Variants in ABCF2 observed in about 807,000 individuals in gnomAD.
ABCF2 encodes the protein ATP-binding cassette sub-family F member 2.
A neutral mutation model predicts 76.9 loss-of-function variants in ABCF2; 37 were observed. That is an observed-to-expected ratio of 0.48 (90% CI 0.37 to 0.63). The LOEUF is 0.63. ABCF2 is among the 30% of genes least tolerant of loss of function. The pLI is 0.00. For missense variants in ABCF2, 524 were observed against 782.1 expected (o/e 0.67, Z 3.94); for synonymous variants, 299 against 283.7 (o/e 1.05, Z -0.54).
chr7:151,222,467 C>T lies in ABCF2; in HGVS notation c.818+54G>A, dbSNP rs1802287845. The T allele has an allele frequency of 2.8e-6, 4 of 1,444,522 alleles. No individual in the cohort carries two copies. In the Admixed American group the frequency reaches 5.1e-5, roughly 19 times the overall value. The allele number at this position is 1,444,522 out of a possible 1,614,324, so 89.5% of individuals were successfully genotyped here. On this transcript the variant is annotated intron_variant, in intron 6 of 14. Coordinates refer to ENST00000287844, the MANE Select transcript of ABCF2 (RefSeq NM_007189.3). ...AGTGCAGTTTCTGGGCATCCATTTT[C>T]TAGATTCCCCCTTTGGGACCTGCCC...
chr7:151,217,992 C>A, intron 11 of ABCF2, 89 bp downstream of exon 11: 1 of 990,350 alleles, frequency 1.0e-6, no homozygotes, highest in South Asian at 1.5e-5. Flanking sequence ...CAGGCCCTCC[C>A]AAAGTAGTAG....
chr7:151,217,947 A>AC lies in ABCF2; in HGVS notation c.1338+133dup. On this transcript the variant is annotated intron_variant, in intron 11 of 14. Transcript: ENST00000287844. Reference sequence around the variant, plus strand: ...TTCCCCCTCTCCTGGCTGCTGCTCCACCCCTCCAGATGGCTCACTCACCAC... The same window carrying AC: ...TTCCCCCTCTCCTGGCTGCTGCTCCACCCCCTCCAGATGGCTCACTCACCAC... 4.6e-6 allele frequency: 3 copies of AC among 649,254 alleles called. No individual in the cohort carries two copies. The South Asian group carries it at 5.7e-5, about 12-fold the overall frequency. 40.2% of individuals were successfully genotyped at this position (649,254 alleles called of 1,614,324 possible).
intron 11 of ABCF2, among the ~76,000 whole-genome samples, chr7:151,216,937 G>C (rs186021450): frequency 4.6e-5 from 7 of 152,290 alleles, no homozygotes; most frequent in Admixed American, 4.6e-4. Flanking sequence ...GTGAGTGATG[G>C]CAATTTTAAG....
At chr7:151,224,225 A>G (rs1245654177) in intron 3 of ABCF2, 111 bp from the exon 4 acceptor site, 1 of 924,574 alleles carries the variant, frequency 1.1e-6, no homozygotes, top group Non-Finnish European at 1.6e-6. Flanking sequence ...TTTTTTTTTG[A>G]GGACCTTTCT....
In ABCF2 at chr7:151,218,202, G is replaced by C; in HGVS notation, c.1228-11C>G. 5.1e-6 allele frequency: 8 copies of C among 1,562,542 alleles called. No individual in the cohort carries two copies. Among genetic ancestry groups the C allele is most frequent in the Non-Finnish European group, 7.1e-6 (8 of 1,133,160 alleles). On this transcript the variant is annotated splice_polypyrimidine_tract_variant and intron_variant, in intron 10 of 14. Coordinates refer to ENST00000287844, the MANE Select transcript of ABCF2 (RefSeq NM_007189.3). ...ATTGTAGATGCAAGGCTGAGGTGGGGATGAGAGAGATGTGGACACAAGGCT... is the reference window on the plus strand; with the variant it reads ...ATTGTAGATGCAAGGCTGAGGTGGGCATGAGAGAGATGTGGACACAAGGCT...
At position 151,218,548 on chromosome 7, in the gene ABCF2, G is replaced by A. The variant is rs2150573800; in HGVS notation, c.1227+13C>T. On this transcript the variant is annotated intron_variant, in intron 10 of 14. Transcript: ENST00000287844. Reference sequence around the variant, plus strand: ...GATACACCCCAGCCACCCATGCCCTGCCCTGAACTTACCCCATCTTTTGTA... The same window carrying A: ...GATACACCCCAGCCACCCATGCCCTACCCTGAACTTACCCCATCTTTTGTA... 1 of 1,610,900 alleles carries A rather than the reference G, an allele frequency of 6.2e-7. No individual in the cohort carries two copies. The highest frequency in any genetic ancestry group is 1.3e-5 in the African/African-American group (1 of 74,918).
At chr7:151,218,402 G>T (rs1350815051) in intron 10 of ABCF2, among the ~76,000 whole-genome samples, 159 bp downstream of exon 10, 1 of 152,060 alleles carries the variant, frequency 6.6e-6, no homozygotes, top group Non-Finnish European at 1.5e-5. Context: ...AGAAAGGCCC[G>T]CGAGCAGCCT....
chr7:151,225,487 T>C (rs1482400386), intron 2 of ABCF2, among the ~76,000 whole-genome samples: 1 of 152,210 alleles, frequency 6.6e-6, no homozygotes, highest in Non-Finnish European at 1.5e-5. Context: ...CAAAAGGGTA[T>C]AGAGAATGGA....
In ABCF2 at chr7:151,221,635, C is replaced by G; in HGVS notation, c.864G>C (p.Leu288=). Residue 288 remains leucine (L), a synonymous_variant, in exon 7 of 15, where the codon CTG becomes CTC. Coordinates refer to ENST00000287844, the MANE Select transcript of ABCF2 (RefSeq NM_007189.3). Reference sequence around the variant, plus strand: ...GAATGATATTGGTACAGACACCATTCAGAAAATCCTGGGAATGGGAGACGA... The same window carrying G: ...GAATGATATTGGTACAGACACCATTGAGAAAATCCTGGGAATGGGAGACGA... ...LVLVSHSQDF[L]NGVCTNIIHM... is the part of the protein sequence containing the mutation. 1 of 1,612,550 alleles carries G rather than the reference C, an allele frequency of 6.2e-7. No individual in the cohort carries two copies. The highest frequency in any genetic ancestry group is 1.1e-5 in the South Asian group (1 of 91,056).
intron 7 of ABCF2, among the ~76,000 whole-genome samples, chr7:151,221,347 C>T (rs913530755): frequency 6.6e-6 from 1 of 151,996 alleles, no homozygotes; most frequent in Non-Finnish European, 1.5e-5. Flanking sequence ...CTACAGGCAC[C>T]TGCCACCACG....
chr7:151,212,446 CCT>C lies in ABCF2; in HGVS notation c.*1606_*1607del, dbSNP rs1442088974. 107 of 985,474 alleles carry C rather than the reference CCT, an allele frequency of 1.1e-4. No individual in the cohort carries two copies. Among genetic ancestry groups the C allele is most frequent in the Middle Eastern group, 1.0e-3 (2 of 1,914 alleles). The allele number at this position is 985,474 out of a possible 1,614,324, so 61.0% of individuals were successfully genotyped here. A position where few individuals can be genotyped will look rare whatever the true frequency, so the allele number is the denominator to read the frequency against. On this transcript the variant is annotated 3_prime_UTR_variant, in exon 15 of 15. Transcript: ENST00000287844. ...ATGCAAACTCCTGGCCATCTCTGCA[CCT>C]CTCTCATTCTACCAAATGCGATTAA...
chr7:151,221,702 T>C (rs758885550), intron 6 of ABCF2, 22 bp from the exon 7 acceptor site: 4 of 1,542,872 alleles, frequency 2.6e-6, no homozygotes, highest in East Asian at 2.2e-5. Context: ...AAGAACCAAT[T>C]AGTGAAGAGC....
chr7:151,224,220 T>C, intron 3 of ABCF2, 106 bp from the exon 4 acceptor site: 2 of 1,122,310 alleles, frequency 1.8e-6, no homozygotes, highest in Non-Finnish European at 2.5e-6. Flanking sequence ...ATTTTTTTTT[T>C]TTTGAGGACC....
chr7:151,222,658 A>G, intron 5 of ABCF2, 42 bp from the exon 6 acceptor site: 1 of 1,542,786 alleles, frequency 6.5e-7, no homozygotes, highest in Non-Finnish European at 8.9e-7. Flanking sequence ...CAGAATTATA[A>G]TGGATGTGAC....
At chr7:151,226,857 T>A (rs1324778545) in intron 1 of ABCF2, 1 of 162,582 alleles carries the variant, frequency 6.2e-6, no homozygotes, top group Non-Finnish European at 1.3e-5. Context: ...GCCGCCTCAC[T>A]TTCCGGGCTT....
Position 151,221,659 on chromosome 7 carries a change from G to A in ABCF2, c.840C>T (p.Leu280=), listed in dbSNP as rs1350120201. The stretch of plus-strand genomic sequence containing the variant: ...TCAGAAAATCCTGGGAATGGGAGAC[G>A]AGGACCAAGATGCGCTTAAAACTGT... The part of the protein sequence containing the change: ...ELKTFKRILV[L]VSHSQDFLNG... Residue 280 remains leucine (L), a synonymous_variant, in exon 7 of 15, where the codon CTC becomes CTT. Transcript: ENST00000287844. The A allele has an allele frequency of 5.6e-6, 9 of 1,611,630 alleles. No individual in the cohort carries two copies. The highest frequency in any genetic ancestry group is 4.0e-5 in the African/African-American group (3 of 74,824).
Position 151,214,424 on chromosome 7 carries a change from C to T in ABCF2, c.1735-233G>A, listed in dbSNP as rs572656739. Among the ~76,000 whole-genome samples the T allele has an allele frequency of 1.3e-5, 2 of 152,338 alleles. No individual in the cohort carries two copies. The highest frequency in any genetic ancestry group is 3.9e-4 in the East Asian group (2 of 5,186). ...GTCACTCCTATTGTCAGCTCCCTGG[C>T]AGGGCCTAGATCTATTCAGAGGCTT... is the stretch of plus-strand genomic sequence containing the variant. On this transcript the variant is annotated intron_variant, in intron 14 of 14. Coordinates refer to ENST00000287844, the MANE Select transcript of ABCF2 (RefSeq NM_007189.3). This position sits in a 1 kb window ranked among gnomAD's most constrained non-coding sequence, Gnocchi z 4.9.
At chr7:151,226,223 C>T (rs1005955455) in intron 2 of ABCF2, 82 bp downstream of exon 2, 3 of 1,478,888 alleles carry the variant, frequency 2.0e-6, no homozygotes, top group Admixed American at 1.9e-5. Flanking sequence ...CTCCACTACC[C>T]CCAGCATCAA....
intron 9 of ABCF2, 35 bp from the exon 10 acceptor site, chr7:151,218,685 C>T (rs1802202513): frequency 1.2e-6 from 2 of 1,613,402 alleles, no homozygotes; most frequent in African/African-American, 1.3e-5. Context: ...CAAGTTGGCT[C>T]CTTTCTTATC....
Sources: allele counts gnomAD v4.1 joint callset (sites outside exome capture counted in the v4.1 genomes callset), GRCh38; gene constraint gnomAD v4.1.1; non-coding constraint Gnocchi (gnomAD v3.1); transcripts MANE v1.5; gene names NCBI Gene and HGNC (gene_info 2026-07-23, HGNC 2026-07-21).